The following NFXL1 variants were observed in gnomAD, a reference collection of about 807,000 sequenced individuals.
NFXL1 encodes the protein NF-X1-type zinc finger protein NFXL1.
Under a neutral mutation model 123.3 loss-of-function variants are expected in NFXL1, and 66 were observed. The observed-to-expected ratio is 0.54, with a 90% CI of 0.44 to 0.66. The LOEUF (loss-of-function observed/expected upper bound fraction) is 0.66, where lower values mean the gene tolerates loss of function less well. Ranked by LOEUF, NFXL1 falls within the 30% of genes least tolerant of loss-of-function variation. The pLI is 0.00. For synonymous variants in NFXL1, 346 were observed against 360.8 expected (o/e 0.96, Z 0.46); for missense variants, 944 against 1,125.6 (o/e 0.84, Z 2.31).
intron 19 of NFXL1, among the ~76,000 whole-genome samples, chr4:47,862,172 GTTTC>G (rs1734805530): frequency 6.6e-6 from 1 of 152,162 alleles, no homozygotes; most frequent in African/African-American, 2.4e-5. Flanking sequence ...TCACTAGTGA[GTTTC>G]TTTACCTTTT....
rs1737423699 is a variant in NFXL1, at chr4:47,903,232, G to A, written c.608C>T (p.Thr203Ile). Reference sequence around the variant, plus strand: ...ATCTTTCTTTCCAAAATCATCATCAGTCACAGAAGATACAAGAAACTGGCT... The same window carrying A: ...ATCTTTCTTTCCAAAATCATCATCAATCACAGAAGATACAAGAAACTGGCT... ...KDSQFLVSSV[T>I]DDDFGKKDCP... is the part of the protein sequence containing the mutation. The change falls in exon 5 of 23, where the codon ACT (threonine) becomes ATT (isoleucine). Residue 203 changes from threonine (T) to isoleucine (I), a missense_variant. Thr to Ile is a moderately conservative substitution (Grantham distance 89). This residue lies in a region of NFXL1 where 303 missense variants were observed against 292.1 expected (regional missense o/e 1.04). Transcript: ENST00000507489. 6.3e-7 allele frequency: 1 copy of A among 1,598,684 alleles called. No homozygotes were observed. Among genetic ancestry groups the A allele is most frequent in the African/African-American group, 1.4e-5 (1 of 73,762 alleles).
intron 5 of NFXL1, 35 bp from the exon 6 acceptor site, chr4:47,899,583 C>T: frequency 7.1e-7 from 1 of 1,411,914 alleles, no homozygotes; most frequent in Non-Finnish European, 1.0e-6. Context: ...AAGCTAACTT[C>T]ACCTTTAAAA....
rs762526388 is a variant in NFXL1, at chr4:47,851,164, C to A, written c.2509-16G>T. The A allele has an allele frequency of 2.5e-6, 4 of 1,590,068 alleles. No individual in the cohort carries two copies. Among genetic ancestry groups the A allele is most frequent in the Admixed American group, 1.7e-5 (1 of 59,686 alleles). ...CTTCTTTTATCTGTTTATACACATA[C>A]AAAAGTCAATTTACAATTTAGTCAT... On this transcript the variant is annotated splice_polypyrimidine_tract_variant and intron_variant, in intron 21 of 22. Coordinates refer to ENST00000507489, the MANE Select transcript of NFXL1 (RefSeq NM_001278624.2).
intron 19 of NFXL1, among the ~76,000 whole-genome samples, chr4:47,856,191 T>C (rs1483232807): frequency 6.6e-6 from 1 of 152,154 alleles, no homozygotes; most frequent in East Asian, 1.9e-4. Context: ...TACAGGATCT[T>C]AGACAAGTCA....
At chr4:47,854,700 A>G (rs1028971746) in intron 20 of NFXL1, among the ~76,000 whole-genome samples, 1 of 152,160 alleles carries the variant, frequency 6.6e-6, no homozygotes, top group Non-Finnish European at 1.5e-5. Context: ...CCATTTCTTA[A>G]GCAATGAAAC....
chr4:47,906,880 G>C (rs1042543606), intron 3 of NFXL1, among the ~76,000 whole-genome samples: 4 of 152,196 alleles, frequency 2.6e-5, no homozygotes, highest in Admixed American at 6.5e-5. Flanking sequence ...ATTTTAAAAA[G>C]ATGACTCTGG....
chr4:47,848,031 TAAC>T lies in NFXL1; in HGVS notation c.*129_*131del, dbSNP rs1733907994. The T allele has an allele frequency of 1.7e-6, 1 of 586,098 alleles. No individual in the cohort carries two copies. The highest frequency in any genetic ancestry group is 2.9e-6 in the Non-Finnish European group (1 of 347,858). The allele number at this position is 586,098 out of a possible 1,614,324, so 36.3% of individuals were successfully genotyped here. ...GATAAAGTTTAACATTCTGTCCTTC[TAAC>T]AACAGCTGAGAGAATACAGAGATGA... On this transcript the variant is annotated 3_prime_UTR_variant, in exon 23 of 23. Coordinates refer to ENST00000507489, the MANE Select transcript of NFXL1 (RefSeq NM_001278624.2).
rs1737981328 is a variant in NFXL1 at position 47,914,012 on chromosome 4, G to A, written c.192C>T (p.His64=). 2.6e-6 allele frequency: 4 copies of A among 1,548,542 alleles called. No homozygotes were observed. Among genetic ancestry groups the A allele is most frequent in the Non-Finnish European group, 3.5e-6 (4 of 1,146,882 alleles). Reference sequence around the variant, plus strand: ...GCAGGGCTTGGGATCCTGCGGGGCTGTGCCTGCTCCCTGCAGCCGCCGTGG... The same window carrying A: ...GCAGGGCTTGGGATCCTGCGGGGCTATGCCTGCTCCCTGCAGCCGCCGTGG... ...VATTAAAGSR[H]SPAGSQALQT... Residue 64 remains histidine (H), a synonymous_variant, in exon 2 of 23, where the codon CAC becomes CAT. Transcript: ENST00000507489.
rs11333414 is a variant in NFXL1, at chr4:47,847,966, TA to T, written c.*196del. On this transcript the variant is annotated 3_prime_UTR_variant, in exon 23 of 23. Transcript: ENST00000507489. Reference sequence around the variant, plus strand: ...TTTAGTTTCAGTCATGCCTTCACTTTAAAACAGTATTATACTGCCCTTTCTA... The same window carrying T: ...TTTAGTTTCAGTCATGCCTTCACTTTAAACAGTATTATACTGCCCTTTCTA... 311,517 of 381,560 alleles carry T rather than the reference TA, an allele frequency of 0.82. 128,072 individuals are homozygous for T. Among genetic ancestry groups the T allele is most frequent in the East Asian group, 0.97 (25,208 of 25,902 alleles). 23.6% of individuals were successfully genotyped at this position (381,560 alleles called of 1,614,324 possible).
rs543468230 is a variant in NFXL1 at position 47,914,493 on chromosome 4, C to A, written c.-131G>T. 126 of 355,894 alleles carry A rather than the reference C, an allele frequency of 3.5e-4. No individual in the cohort carries two copies. Among genetic ancestry groups the A allele is most frequent in the Non-Finnish European group, 5.4e-4 (106 of 195,956 alleles). The allele number at this position is 355,894 out of a possible 1,614,324, so 22.0% of individuals were successfully genotyped here. ...GAAGACAGAAAGCCGGAGGAGAAGT[C>A]GAAACCGCCTCCTCAGCCTCTGCGG... On this transcript the variant is annotated 5_prime_UTR_variant, in exon 1 of 23. Transcript: ENST00000507489.
At chr4:47,904,769 G>A (rs1422598088) in intron 4 of NFXL1, among the ~76,000 whole-genome samples, 1 of 152,158 alleles carries the variant, frequency 6.6e-6, no homozygotes, top group Non-Finnish European at 1.5e-5. Context: ...CCAAGGACAT[G>A]AGTTTTGTCT....
intron 22 of NFXL1, among the ~76,000 whole-genome samples, chr4:47,849,276 A>G (rs1431640893): frequency 1.3e-5 from 2 of 152,204 alleles, no homozygotes; most frequent in African/African-American, 4.8e-5. Context: ...AACTAGTACT[A>G]AAAGACGATA....
intron 18 of NFXL1, among the ~76,000 whole-genome samples, chr4:47,866,825 G>A (rs1215883517): frequency 6.6e-6 from 1 of 152,198 alleles, no homozygotes; most frequent in East Asian, 1.9e-4. Context: ...TGAGAGCCCT[G>A]AACTCTGGTA....
intron 2 of NFXL1, 139 bp downstream of exon 2, chr4:47,913,830 C>G: frequency 1.8e-6 from 1 of 557,766 alleles, no homozygotes; most frequent in Admixed American, 3.2e-5. Flanking sequence ...ACCCGAAAGG[C>G]TGGAGAAGTG....
intron 3 of NFXL1, among the ~76,000 whole-genome samples, chr4:47,908,356 C>T (rs185304894): frequency 9.4e-4 from 142 of 151,132 alleles, no homozygotes; most frequent in Non-Finnish European, 1.2e-3. Context: ...CTCAGTAGTT[C>T]AAGATTGTAG....
rs1327247718 is a variant in NFXL1 at position 47,899,484 on chromosome 4, T to C, written c.712A>G (p.Lys238Glu). The C allele has an allele frequency of 6.2e-7, 1 of 1,613,366 alleles. No individual in the cohort carries two copies. Among genetic ancestry groups the C allele is most frequent in the Admixed American group, 1.7e-5 (1 of 60,006 alleles). ...TPSRYYCYCG[K>E]VEDPPLDPWL... The stretch of plus-strand genomic sequence containing the variant: ...GGATCTAAAGGTGGATCTTCTACTT[T>C]TCCACAATAGCAATAGTACCTACTA... Residue 238 changes from lysine to glutamate, a missense_variant, in exon 6 of 23, where the codon AAA (lysine) becomes GAA (glutamate). By Grantham distance (56) the Lys-to-Glu change is moderately conservative. This residue lies in a region of NFXL1 where 296 missense variants were observed against 395.1 expected (regional missense o/e 0.75). Transcript: ENST00000507489.
Position 47,885,452 on chromosome 4 carries a change from C to A in NFXL1, c.1824+46G>T, listed in dbSNP as rs755259543. The A allele has an allele frequency of 5.4e-6, 8 of 1,472,390 alleles. No individual in the cohort carries two copies. The South Asian group carries it at 8.7e-5, about 16-fold the overall frequency. The allele number at this position is 1,472,390 out of a possible 1,614,324, so 91.2% of individuals were successfully genotyped here. A position where few individuals can be genotyped will look rare whatever the true frequency, so the allele number is the denominator to read the frequency against. The stretch of plus-strand genomic sequence containing the variant: ...AAAACTAAGTAAAAGCAAGAAAGTA[C>A]AACCCACAGCAATGCACTATTTCTC... On this transcript the variant is annotated intron_variant, in intron 14 of 22. Transcript: ENST00000507489.
chr4:47,910,953 T>G lies in NFXL1; in HGVS notation c.277A>C (p.Asn93His). 1.9e-6 allele frequency: 3 copies of G among 1,608,350 alleles called. No individual in the cohort carries two copies. Among genetic ancestry groups the G allele is most frequent in the Non-Finnish European group, 2.5e-6 (3 of 1,177,946 alleles). ...ACAAGTTTTCTGGCTGCAGCTTGGTTAGCTTTCTTGATTTCTTCAAATTTT... is the reference window on the plus strand; with the variant it reads ...ACAAGTTTTCTGGCTGCAGCTTGGTGAGCTTTCTTGATTTCTTCAAATTTT... ...QKKFEEIKKA[N>H]QAAARKLVEE... The change falls in exon 3 of 23, where the codon AAC becomes CAC. Residue 93 changes from asparagine to histidine, a missense_variant. Transcript: ENST00000507489.
In NFXL1 at chr4:47,885,667, A is replaced by C; in HGVS notation, c.1665-10T>G. The C allele has an allele frequency of 6.2e-7, 1 of 1,609,268 alleles. No individual in the cohort carries two copies. Among genetic ancestry groups the C allele is most frequent in the Non-Finnish European group, 8.5e-7 (1 of 1,176,600 alleles). On this transcript the variant is annotated splice_polypyrimidine_tract_variant and intron_variant, in intron 13 of 22. Coordinates refer to ENST00000507489, the MANE Select transcript of NFXL1 (RefSeq NM_001278624.2). ...ACAAGTTGGTGGTCGACTAAATCAT[A>C]AAGTACAATTTTCAAAAATTACTTT...
Sources: gnomAD v4.1 joint callset for allele counts (sites outside exome capture counted in the v4.1 genomes callset) on GRCh38, gnomAD v4.1.1 for gene constraint, gnomAD v4.1.1 regional missense constraint, MANE v1.5 for transcripts, NCBI Gene and HGNC (gene_info 2026-07-23, HGNC 2026-07-21) for gene names.